Variants in LTBP2 observed in about 807,000 individuals in gnomAD.
LTBP2 encodes latent-transforming growth factor beta-binding protein 2.
LTBP2 carries 103 observed loss-of-function variants against 210.6 expected under a neutral mutation model. The ratio of observed to expected loss-of-function variants is 0.49; its 90% CI spans 0.42 to 0.58. LTBP2 has a LOEUF of 0.58. Among genes scored for constraint, LTBP2 ranks in the 20% least tolerant of loss-of-function variants. LTBP2 has a pLI of 0.00. For missense variants in LTBP2, 2,313 were observed against 2,494.5 expected, an observed-to-expected ratio of 0.93 and a Z score of 1.55; for synonymous variants, 1,007 against 1,015.0, an observed-to-expected ratio of 0.99 and a Z score of 0.15.
At chr14:74,568,433 C>T (rs761239136) in intron 3 of LTBP2, among the ~76,000 whole-genome samples, 3 of 151,840 alleles carry the variant, frequency 2.0e-5, no homozygotes, top group South Asian at 2.1e-4. Context: ...AGACATGAGC[C>T]GGAGGAAGGG....
Position 74,505,026 on chromosome 14 carries a change from A to G in LTBP2, c.4326T>C (p.Ala1442=), listed in dbSNP as rs1421036683. Residue 1442 remains alanine (A), a synonymous_variant, in exon 29 of 36, where the codon GCT becomes GCC. Coordinates refer to ENST00000261978, the MANE Select transcript of LTBP2 (RefSeq NM_000428.3). ...TQAECCCTQG[A]SWGDACDLCP... is the part of the protein sequence containing the mutation. Reference sequence around the variant, plus strand: ...AGAGGTCACAGGCATCTCCCCAGCTAGCGCCCTGGGTGCAGCAGCATTCAG... The same window carrying G: ...AGAGGTCACAGGCATCTCCCCAGCTGGCGCCCTGGGTGCAGCAGCATTCAG... The G allele has an allele frequency of 6.2e-6, 10 of 1,614,034 alleles. No homozygotes were observed. The highest frequency in any genetic ancestry group is 6.8e-6 in the Non-Finnish European group (8 of 1,180,034).
intron 18 of LTBP2, 137 bp from the exon 19 acceptor site, chr14:74,511,501 T>G: frequency 1.8e-6 from 2 of 1,106,588 alleles, no homozygotes; most frequent in Non-Finnish European, 2.7e-6. Flanking sequence ...GAATGAGAGC[T>G]GCCCTGTGTT....
chr14:74,552,172 T>C lies in LTBP2; in HGVS notation c.1399+15A>G. The C allele has an allele frequency of 2.8e-6, 4 of 1,411,638 alleles. No homozygotes were observed. Among genetic ancestry groups the C allele is most frequent in the East Asian group, 2.6e-5 (1 of 37,992 alleles). 87.4% of individuals were successfully genotyped at this position (1,411,638 alleles called of 1,614,324 possible). A position where few individuals can be genotyped will look rare whatever the true frequency, so the allele number is the denominator to read the frequency against. ...CCTCCCAGGGTCCCGCCGGCCCAGC[T>C]GTGCCGGCACTCACCCAGCTGGTTG... is the stretch of plus-strand genomic sequence containing the variant. On this transcript the variant is annotated intron_variant, in intron 6 of 35. Coordinates refer to ENST00000261978, the MANE Select transcript of LTBP2 (RefSeq NM_000428.3).
chr14:74,568,076 C>T (rs1307550390), intron 3 of LTBP2, among the ~76,000 whole-genome samples: 1 of 152,144 alleles, frequency 6.6e-6, no homozygotes, highest in Non-Finnish European at 1.5e-5. Context: ...CTGGTGCCTT[C>T]GCACAAATCA....
At chr14:74,510,637 G>A (rs561734482) in intron 19 of LTBP2, among the ~76,000 whole-genome samples, 9 of 152,308 alleles carry the variant, frequency 5.9e-5, no homozygotes, top group South Asian at 2.1e-4. Flanking sequence ...GGCGGGCAGC[G>A]TGGAGAGAGG....
chr14:74,506,858 T>C (rs772377235), intron 26 of LTBP2, 35 bp from the exon 27 acceptor site: 2 of 1,401,642 alleles, frequency 1.4e-6, no homozygotes, highest in Non-Finnish European at 1.9e-6. Context: ...AGAGGATGTG[T>C]GTGTGTGTGT....
At chr14:74,549,034 A>G (rs562057492) in intron 8 of LTBP2, among the ~76,000 whole-genome samples, 44 of 152,330 alleles carry the variant, frequency 2.9e-4, no homozygotes, top group African/African-American at 9.6e-4. Flanking sequence ...TGCCCCTCCC[A>G]TCTTTGGGCT....
chr14:74,510,006 C>T, intron 20 of LTBP2, 85 bp downstream of exon 20: 6 of 1,611,736 alleles, frequency 3.7e-6, no homozygotes, highest in Non-Finnish European at 3.4e-6. Flanking sequence ...GGGGTGGATT[C>T]AGGGGGCCAA....
rs1427121152 is a variant in LTBP2, at chr14:74,501,027, C to T, written c.5323G>A (p.Val1775Met). 2 of 1,613,406 alleles carry T rather than the reference C, an allele frequency of 1.2e-6. No homozygotes were observed. The highest frequency in any genetic ancestry group is 1.1e-5 in the South Asian group (1 of 90,908). The change falls in exon 36 of 36, where the codon GTG (valine) becomes ATG (methionine). Residue 1775 changes from valine to methionine, a missense_variant and splice_region_variant. This residue lies in a region of LTBP2 where 443 missense variants were observed against 501.4 expected (regional missense o/e 0.88). Coordinates refer to ENST00000261978, the MANE Select transcript of LTBP2 (RefSeq NM_000428.3). ...CCGTTCAAGTCATCACACTCATTCA[C>T]ATCTAAGAGGAAACAAAGGAGAGTG... ...LDAAHMACVD[V>M]NECDDLNGPA...
intron 2 of LTBP2, among the ~76,000 whole-genome samples, chr14:74,601,905 C>T (rs1272558185): frequency 6.6e-6 from 1 of 152,036 alleles, no homozygotes; most frequent in Non-Finnish European, 1.5e-5. Flanking sequence ...AGGAAGGGAG[C>T]TGTTGAGACT....
intron 3 of LTBP2, among the ~76,000 whole-genome samples, chr14:74,581,035 C>A (rs764507816): frequency 1.3e-5 from 2 of 152,220 alleles, no homozygotes; most frequent in Non-Finnish European, 2.9e-5. Flanking sequence ...GCATCTCCAG[C>A]ACATTTGAGG....
intron 8 of LTBP2, among the ~76,000 whole-genome samples, chr14:74,541,104 G>T (rs949836620): frequency 1.3e-5 from 2 of 150,920 alleles, no homozygotes; most frequent in Non-Finnish European, 2.9e-5. Flanking sequence ...CACACCAGGT[G>T]TCCCTCTTGC....
intron 2 of LTBP2, among the ~76,000 whole-genome samples, chr14:74,588,074 T>C (rs1354826054): frequency 6.6e-6 from 1 of 152,208 alleles, no homozygotes; most frequent in Non-Finnish European, 1.5e-5. Flanking sequence ...GCTCCTACTG[T>C]TCCCTCAAGA....
At chr14:74,559,029 C>G (rs1207002754) in intron 3 of LTBP2, among the ~76,000 whole-genome samples, 1 of 152,114 alleles carries the variant, frequency 6.6e-6, no homozygotes, top group East Asian at 1.9e-4. Context: ...TGAGACCATG[C>G]AATTATTTCA....
rs966813112 is a variant in LTBP2 at position 74,502,447 on chromosome 14, C to T, written c.5170+206G>A. On this transcript the variant is annotated intron_variant, in intron 34 of 35. Transcript: ENST00000261978. ...GCAGTGTCCTGTACCTTTTTGTGTC[C>T]CTGTGATAGTTTATGACGGAGTTGT... The T allele has an allele frequency of 2.5e-5, 17 of 688,810 alleles. No homozygotes were observed. In the African/African-American group the frequency reaches 2.6e-4, roughly 11 times the overall value. The allele number at this position is 688,810 out of a possible 1,614,324, so 42.7% of individuals were successfully genotyped here.
chr14:74,533,549 G>A (rs2087378484), intron 9 of LTBP2, among the ~76,000 whole-genome samples: 1 of 152,242 alleles, frequency 6.6e-6, no homozygotes, highest in Admixed American at 6.5e-5. Context: ...GGAAAAGGAG[G>A]CAGAGGCTGG....
intron 15 of LTBP2, among the ~76,000 whole-genome samples, chr14:74,524,582 G>T (rs142628323): frequency 1.3e-5 from 2 of 152,168 alleles, no homozygotes; most frequent in Non-Finnish European, 2.9e-5. Context: ...CCAGAGCAAG[G>T]TGGATTTGCC....
intron 25 of LTBP2, 86 bp downstream of exon 25, chr14:74,507,887 C>T: frequency 1.3e-6 from 2 of 1,582,930 alleles, no homozygotes; most frequent in Non-Finnish European, 1.7e-6. Flanking sequence ...GTGGAAAGTG[C>T]TCTGCTCCAT....
chr14:74,511,315 G>A lies in LTBP2; in HGVS notation c.2958C>T (p.Val986=). 1 of 1,614,120 alleles carries A rather than the reference G, an allele frequency of 6.2e-7. No individual in the cohort carries two copies. Residue 986 remains valine, a synonymous_variant, in exon 19 of 36, where the codon GTC becomes GTT. Transcript: ENST00000261978. ...GACAAGTGTAGGAGCCAGGGGAATT[G>A]ACGCATCTCCCATCAGGGCAGGTAC... ...HPGTCPDGRC[V]NSPGSYTCLA... is the part of the protein sequence containing the mutation.
Sources: gnomAD v4.1 joint callset for allele counts (sites outside exome capture counted in the v4.1 genomes callset) on GRCh38, gnomAD v4.1.1 for gene constraint, gnomAD v4.1.1 regional missense constraint, MANE v1.5 for transcripts, NCBI Gene and HGNC (gene_info 2026-07-23, HGNC 2026-07-21) for gene names.